The following GRM8 variants were observed in gnomAD, a reference collection of about 807,000 sequenced individuals.
GRM8 encodes the protein glutamate metabotropic receptor 8.
Under a neutral mutation model 87.2 loss-of-function variants are expected in GRM8, and 47 were observed. The ratio of observed to expected loss-of-function variants is 0.54; its 90% confidence interval spans 0.43 to 0.69. The LOEUF is 0.69. GRM8 is among the 30% of genes least tolerant of loss of function. GRM8 has a pLI of 0.00. For missense variants in GRM8, 1,019 were observed against 1,139.2 expected (o/e 0.89, Z 1.52); for synonymous variants, 396 against 404.5 (o/e 0.98, Z 0.25).
chr7:127,037,309 C>T (rs1817933237), intron 3 of GRM8, among the ~76,000 whole-genome samples: 1 of 152,134 alleles, frequency 6.6e-6, no homozygotes. Flanking sequence ...TGGGTGCATA[C>T]ACAAGGCTTC....
chr7:126,460,622 C>T (rs1803792326), intron 9 of GRM8, among the ~76,000 whole-genome samples: 1 of 151,536 alleles, frequency 6.6e-6, no homozygotes, highest in South Asian at 2.1e-4. Flanking sequence ...TTATCTACGG[C>T]TGAAAATCCT....
chr7:126,548,192 C>A lies in GRM8; in HGVS notation c.1495-14305G>T, dbSNP rs796726240. Among the ~76,000 whole-genome samples, 43 of 151,992 alleles carry A rather than the reference C, an allele frequency of 2.8e-4. 1 individual carries two copies. The highest frequency in any genetic ancestry group is 1.0e-3 in the African/African-American group (42 of 41,438). ...GGGGTGGAGGGATGAGGAGGGATAGCATTAGGAGAAATGCCTAATGTAGAT... is the reference window on the plus strand; with the variant it reads ...GGGGTGGAGGGATGAGGAGGGATAGAATTAGGAGAAATGCCTAATGTAGAT... On this transcript the variant is annotated intron_variant, in intron 8 of 10. Coordinates refer to ENST00000339582, the MANE Select transcript of GRM8 (RefSeq NM_000845.3).
At chr7:127,092,232 A>G (rs1414865040) in intron 3 of GRM8, among the ~76,000 whole-genome samples, 1 of 151,910 alleles carries the variant, frequency 6.6e-6, no homozygotes, top group Non-Finnish European at 1.5e-5. Flanking sequence ...CTGAGGTTGG[A>G]GCATTCTCTC....
intron 8 of GRM8, among the ~76,000 whole-genome samples, chr7:126,592,795 G>C (rs1489754089): frequency 1.3e-5 from 2 of 151,802 alleles, no homozygotes; most frequent in Non-Finnish European, 2.9e-5. Context: ...ACATACTGGA[G>C]GTCATAGTCA....
At chr7:127,202,454 A>T (rs549850519) in intron 2 of GRM8, among the ~76,000 whole-genome samples, 1 of 152,230 alleles carries the variant, frequency 6.6e-6, no homozygotes, top group Non-Finnish European at 1.5e-5. Context: ...CTGGGATTAC[A>T]GGCATGAGCC....
intron 8 of GRM8, among the ~76,000 whole-genome samples, chr7:126,537,918 T>C (rs981288394): frequency 6.6e-6 from 1 of 152,222 alleles, no homozygotes; most frequent in African/African-American, 2.4e-5. Context: ...TCTTTCATTA[T>C]AAGTATAAAG....
At chr7:126,916,994 T>C (rs768655375) in intron 3 of GRM8, among the ~76,000 whole-genome samples, 18 of 152,240 alleles carry the variant, frequency 1.2e-4, no homozygotes, top group Non-Finnish European at 2.2e-4. Context: ...TTTAACTTTT[T>C]GGATTCAGAT....
At chr7:126,520,359 G>A (rs1296817362) in intron 9 of GRM8, among the ~76,000 whole-genome samples, 1 of 152,042 alleles carries the variant, frequency 6.6e-6, no homozygotes, top group Non-Finnish European at 1.5e-5. Flanking sequence ...GATACATTTG[G>A]GGTTTTAGAT....
intron 3 of GRM8, among the ~76,000 whole-genome samples, chr7:126,946,158 T>C (rs1366378547): frequency 6.6e-6 from 1 of 152,220 alleles, no homozygotes; most frequent in Non-Finnish European, 1.5e-5. Flanking sequence ...GAGACTGTCA[T>C]GGTTTTCCTT....
chr7:127,092,717 G>A (rs1360091697), intron 3 of GRM8, among the ~76,000 whole-genome samples: 1 of 152,048 alleles, frequency 6.6e-6, no homozygotes, highest in Non-Finnish European at 1.5e-5. Flanking sequence ...AGGGGGAAAA[G>A]AAAAAAGAAG....
intron 8 of GRM8, among the ~76,000 whole-genome samples, chr7:126,571,194 T>C (rs372775320): frequency 6.6e-6 from 1 of 152,160 alleles, no homozygotes; most frequent in Non-Finnish European, 1.5e-5. Context: ...ATACAAGAAA[T>C]TTTTAATAAA....
intron 6 of GRM8, among the ~76,000 whole-genome samples, chr7:126,881,590 G>C (rs1179702414): frequency 6.6e-6 from 1 of 152,166 alleles, no homozygotes; most frequent in Non-Finnish European, 1.5e-5. Context: ...ATGGGGGCAT[G>C]GCAAATGGAG....
rs561247122 is a variant in GRM8 at position 126,482,502 on chromosome 7, T to C, written c.2431-36130A>G. The stretch of plus-strand genomic sequence containing the variant: ...GGAAACTCTGACATACACTTCAACA[T>C]GAATGAATCTGGAAGACATTATGCT... On this transcript the variant is annotated intron_variant, in intron 9 of 10. Coordinates refer to ENST00000339582, the MANE Select transcript of GRM8 (RefSeq NM_000845.3). Among the ~76,000 whole-genome samples the C allele has an allele frequency of 2.0e-5, 3 of 152,104 alleles. No individual in the cohort carries two copies. The East Asian group carries it at 5.8e-4, about 30-fold the overall frequency.
At chr7:127,205,612 C>G (rs2237800) in intron 2 of GRM8, among the ~76,000 whole-genome samples, 1 of 152,144 alleles carries the variant, frequency 6.6e-6, no homozygotes, top group African/African-American at 2.4e-5. Context: ...CACTCTCTAC[C>G]GCTCTGCAGA....
intron 9 of GRM8, among the ~76,000 whole-genome samples, chr7:126,487,428 C>G (rs1015492): frequency 6.6e-6 from 1 of 151,700 alleles, no homozygotes; most frequent in Non-Finnish European, 1.5e-5. Context: ...CCACACGAGA[C>G]GGAAGTAATA....
At chr7:126,942,555 T>C (rs914151369) in intron 3 of GRM8, among the ~76,000 whole-genome samples, 5 of 152,190 alleles carry the variant, frequency 3.3e-5, no homozygotes, top group African/African-American at 1.2e-4. Context: ...CTCTGCTCCA[T>C]GACAATAAGC....
At chr7:126,569,861 A>C (rs1042054842) in intron 8 of GRM8, among the ~76,000 whole-genome samples, 1 of 152,204 alleles carries the variant, frequency 6.6e-6, no homozygotes, top group Admixed American at 6.6e-5. Context: ...AGTTTTTCAC[A>C]TCTAAACAAT....
chr7:127,038,209 T>C (rs1818027134), intron 3 of GRM8, among the ~76,000 whole-genome samples: 1 of 152,120 alleles, frequency 6.6e-6, no homozygotes, highest in African/African-American at 2.4e-5. Flanking sequence ...AGCATCTAAA[T>C]AACATAGCAA....
intron 9 of GRM8, among the ~76,000 whole-genome samples, chr7:126,528,162 C>T (rs1814182455): frequency 6.6e-6 from 1 of 152,058 alleles, no homozygotes; most frequent in Non-Finnish European, 1.5e-5. Context: ...CGAGGTAGTG[C>T]CACTGTACTC....
Sources: gnomAD v4.1 joint callset for allele counts (sites outside exome capture counted in the v4.1 genomes callset) on GRCh38, gnomAD v4.1.1 for gene constraint, MANE v1.5 for transcripts, NCBI Gene and HGNC (gene_info 2026-07-23, HGNC 2026-07-21) for gene names.